MPZ: variants seen among roughly 807,000 people sequenced by gnomAD.
MPZ encodes the protein myelin protein P0.
In MPZ, 13 loss-of-function variants were observed where a neutral mutation model predicts 27.9. The ratio of observed to expected loss-of-function variants is 0.47; its 90% CI spans 0.30 to 0.74. The LOEUF (loss-of-function observed/expected upper bound fraction) is 0.74, where lower values mean the gene tolerates loss of function less well. Ranked by LOEUF, MPZ falls within the 30% of genes least tolerant of loss-of-function variation. MPZ has a pLI of 0.06. For missense variants in MPZ, 256 were observed against 317.5 expected, an observed-to-expected ratio of 0.81 and a Z score of 1.47; for synonymous variants, 118 against 128.9, an observed-to-expected ratio of 0.92 and a Z score of 0.57.
chr1:161,307,594 A>G, intron 1 of MPZ, 170 bp from the exon 2 acceptor site: 1 of 649,536 alleles, frequency 1.5e-6, no homozygotes, highest in African/African-American at 1.8e-5. Context: ...ACAGATGAGC[A>G]TAAATGCTGT....
rs1473659135 is a variant in MPZ at position 161,309,614 on chromosome 1, C to T, written c.67+225G>A. ...TTATGTTGTCCAGGCTGGTCTCCAA[C>T]TCCTGGGGCTCAAATAATTATCCCA... is the stretch of plus-strand genomic sequence containing the variant. On this transcript the variant is annotated intron_variant, in intron 1 of 5. Coordinates refer to ENST00000533357, the MANE Select transcript of MPZ (RefSeq NM_000530.8). Among the ~76,000 whole-genome samples, 3 of 143,590 alleles carry T rather than the reference C, an allele frequency of 2.1e-5. No individual in the cohort carries two copies. The East Asian group carries it at 6.0e-4, about 29-fold the overall frequency. The allele number at this position is 143,590 out of a possible 152,430, so 94.2% of individuals were successfully genotyped here.
intron 1 of MPZ, among the ~76,000 whole-genome samples, chr1:161,308,943 G>A (rs1437378646): frequency 2.0e-5 from 3 of 152,098 alleles, no homozygotes; most frequent in African/African-American, 7.2e-5. Flanking sequence ...GGGCATTCTG[G>A]CCAGCCCCCT....
At position 161,307,386 on chromosome 1, in the gene MPZ, T is replaced by C. The variant is rs864622732; in HGVS notation, c.106A>G (p.Arg36Gly). The change falls in exon 2 of 6, where the codon AGG (arginine) becomes GGG (glycine). Residue 36 changes from arginine (R) to glycine (G), a missense_variant. By Grantham distance (125) the Arg-to-Gly change is moderately radical. Coordinates refer to ENST00000533357, the MANE Select transcript of MPZ (RefSeq NM_000530.8). ...PAQAIVVYTDREVHGAVGSRV... is the reference protein window; with the variant it reads ...PAQAIVVYTDGEVHGAVGSRV... ...GAGCCCACAGCACCATGGACCTCCC[T>C]GTCGGTGTAAACCACGATGGCCTGG... 2.5e-6 allele frequency: 4 copies of C among 1,614,268 alleles called. No individual in the cohort carries two copies. Among genetic ancestry groups the C allele is most frequent in the Non-Finnish European group, 3.4e-6 (4 of 1,180,052 alleles).
rs762143293 is a variant in MPZ at position 161,306,463 on chromosome 1, C to T, written c.450G>A (p.Val150=). ...CCAGAACGACCCCGTACCTAGTTGGCACTAGGAGGGGTGGGAAAAGAAGTG... is the reference window on the plus strand; with the variant it reads ...CCAGAACGACCCCGTACCTAGTTGGTACTAGGAGGGGTGGGAAAAGAAGTG... The part of the protein sequence containing the change: ...SQVTLYVFEK[V]PTRYGVVLGA... The change falls in exon 4 of 6, where the codon GTG becomes GTA. Residue 150 remains valine, a splice_region_variant and synonymous_variant. Coordinates refer to ENST00000533357, the MANE Select transcript of MPZ (RefSeq NM_000530.8). 6.8e-6 allele frequency: 11 copies of T among 1,614,080 alleles called. No individual in the cohort carries two copies. In the South Asian group the frequency reaches 1.2e-4, roughly 18 times the overall value.
rs1487233699 is a variant in MPZ at position 161,306,425 on chromosome 1, C to G, written c.488G>C (p.Gly163Ala). The change falls in exon 4 of 6, where the codon GGG (glycine) becomes GCG (alanine). Residue 163 changes from glycine (G) to alanine (A), a missense_variant. This residue lies in a region of MPZ where 155 missense variants were observed against 223.9 expected (regional missense o/e 0.69). Transcript: ENST00000533357. Reference sequence around the variant, plus strand: ...CAACAGCACCACCCCGAGGACACCCCCGATCACAGCTCCCAGAACGACCCC... The same window carrying G: ...CAACAGCACCACCCCGAGGACACCCGCGATCACAGCTCCCAGAACGACCCC... ...RYGVVLGAVI[G>A]GVLGVVLLLL... The G allele has an allele frequency of 1.9e-6, 3 of 1,614,110 alleles. No homozygotes were observed. Among genetic ancestry groups the G allele is most frequent in the African/African-American group, 2.7e-5 (2 of 74,940 alleles).
At chr1:161,306,067 G>A in intron 5 of MPZ, 41 bp downstream of exon 5, 1 of 1,613,208 alleles carries the variant, frequency 6.2e-7, no homozygotes, top group Non-Finnish European at 8.5e-7. Context: ...GGCTCCCAGG[G>A]TTCTCCTTCC....
At chr1:161,307,171 T>G (rs1343205404) in intron 2 of MPZ, 87 bp downstream of exon 2, 1 of 1,543,840 alleles carries the variant, frequency 6.5e-7, no homozygotes, top group African/African-American at 1.4e-5. Flanking sequence ...CAAAAAGGAT[T>G]TCCCCCTCCT....
chr1:161,309,552 A>ATATATTTTTTTTTTTTTTTTTT, intron 1 of MPZ, among the ~76,000 whole-genome samples: 8 of 80,630 alleles, frequency 9.9e-5, no homozygotes, highest in Admixed American at 1.3e-4. Context: ...ATATATATAT[A>ATATATTTTTTTTTTTTTTTTTT]TTTTTTTTTT....
intron 4 of MPZ, 50 bp downstream of exon 4, chr1:161,306,279 G>C (rs1166981177): frequency 6.2e-7 from 1 of 1,613,318 alleles, no homozygotes; most frequent in Non-Finnish European, 8.5e-7. Flanking sequence ...TCTCCGCCCA[G>C]ATGGGGGATA....
At chr1:161,309,552 A>ATATTTTTTTTTTTTTTTTTTTTTTT in intron 1 of MPZ, among the ~76,000 whole-genome samples, 6 of 80,666 alleles carry the variant, frequency 7.4e-5, no homozygotes, top group Non-Finnish European at 1.4e-4. Flanking sequence ...ATATATATAT[A>ATATTTTTTTTTTTTTTTTTTTTTTT]TTTTTTTTTT....
chr1:161,306,589 C>G lies in MPZ; in HGVS notation c.448+119G>C. 3.2e-6 allele frequency: 5 copies of G among 1,543,836 alleles called. 1 individual carries two copies. In the South Asian group the frequency reaches 5.6e-5, roughly 17 times the overall value. On this transcript the variant is annotated intron_variant, in intron 3 of 5. Transcript: ENST00000533357. ...GCTAAAACTGCCTTCTGCCCACGCT[C>G]CCAGAGCCTGAATAAAGGTCCTTAG...
chr1:161,306,653 C>A, intron 3 of MPZ, 55 bp downstream of exon 3: 1 of 1,587,682 alleles, frequency 6.3e-7, no homozygotes, highest in African/African-American at 1.3e-5. Flanking sequence ...TATCAGTCCT[C>A]CCTGATCCCC....
chr1:161,307,383 C>T lies in MPZ; in HGVS notation c.109G>A (p.Glu37Lys), dbSNP rs1670288858. 1 of 1,614,282 alleles carries T rather than the reference C, an allele frequency of 6.2e-7. No homozygotes were observed. Among genetic ancestry groups the T allele is most frequent in the Non-Finnish European group, 8.5e-7 (1 of 1,180,060 alleles). The change falls in exon 2 of 6, where the codon GAG becomes AAG. Residue 37 changes from glutamate to lysine, a missense_variant. Transcript: ENST00000533357. The stretch of plus-strand genomic sequence containing the variant: ...CGGGAGCCCACAGCACCATGGACCT[C>T]CCTGTCGGTGTAAACCACGATGGCC... ...AQAIVVYTDR[E>K]VHGAVGSRVT... is the part of the protein sequence containing the mutation.
rs34621933 is a variant in MPZ, at chr1:161,307,014, CAAAAAAAAAAAAAA to C, written c.235-107_235-94del. On this transcript the variant is annotated intron_variant, in intron 2 of 5. Coordinates refer to ENST00000533357, the MANE Select transcript of MPZ (RefSeq NM_000530.8). ...ATAATTTGTTACAGAAAGAAAAAAG[CAAAAAAAAAAAAAA>C]AAAAAAAAAAGCTTCGCTCCAGCCT... 4.7e-5 allele frequency: 11 copies of C among 232,436 alleles called. No homozygotes were observed. The Admixed American group carries it at 5.8e-4, about 12-fold the overall frequency. The allele number at this position is 232,436 out of a possible 1,614,324, so 14.4% of individuals were successfully genotyped here.
At position 161,305,062 on chromosome 1, in the gene MPZ, G is replaced by A. The variant is rs1247484417; in HGVS notation, c.*814C>T. Reference sequence around the variant, plus strand: ...ATGCTATACTGAAGTGTGAGGATCAGGGGCCCCTCTACTTGGGCTGGCTCT... The same window carrying A: ...ATGCTATACTGAAGTGTGAGGATCAAGGGCCCCTCTACTTGGGCTGGCTCT... On this transcript the variant is annotated 3_prime_UTR_variant, in exon 6 of 6. Transcript: ENST00000533357. The A allele has an allele frequency of 2.0e-5, 3 of 152,816 alleles. No homozygotes were observed. In the East Asian group the frequency reaches 5.6e-4, roughly 29 times the overall value. 9.5% of individuals were successfully genotyped at this position (152,816 alleles called of 1,614,324 possible).
chr1:161,307,431 G>A lies in MPZ; in HGVS notation c.68-7C>T, dbSNP rs761482735. 3 of 1,614,022 alleles carry A rather than the reference G, an allele frequency of 1.9e-6. No homozygotes were observed. Among genetic ancestry groups the A allele is most frequent in the Non-Finnish European group, 2.5e-6 (3 of 1,180,044 alleles). On this transcript the variant is annotated splice_region_variant and splice_polypyrimidine_tract_variant and intron_variant, in intron 1 of 5. Coordinates refer to ENST00000533357, the MANE Select transcript of MPZ (RefSeq NM_000530.8). The stretch of plus-strand genomic sequence containing the variant: ...GCCTGGGCCGGGGACAGCACTGCAA[G>A]CACAAAGTGGGGAATCAGATGCACC...
chr1:161,306,625 T>C, intron 3 of MPZ, 83 bp downstream of exon 3: 1 of 1,568,842 alleles, frequency 6.4e-7, no homozygotes, highest in South Asian at 1.1e-5. Context: ...GCCGGGCTTT[T>C]TGCCTCTTCC....
intron 2 of MPZ, 106 bp downstream of exon 2, chr1:161,307,152 G>T: frequency 2.1e-6 from 3 of 1,457,356 alleles, no homozygotes; most frequent in Non-Finnish European, 1.9e-6. Context: ...CAAAGTTGGG[G>T]TTATGGCTCA....
In MPZ at chr1:161,306,320, G is replaced by A. The variant is rs768352296; in HGVS notation, c.584+9C>T. On this transcript the variant is annotated intron_variant, in intron 4 of 5. Transcript: ENST00000533357. The stretch of plus-strand genomic sequence containing the variant: ...GAGAGGGGGAGGGGAGCTAGGCTCC[G>A]CCCCTTACCTGAGCCTCCTCTGCAG... The A allele has an allele frequency of 1.2e-6, 2 of 1,614,012 alleles. No homozygotes were observed. The highest frequency in any genetic ancestry group is 1.3e-5 in the African/African-American group (1 of 74,926).
Sources: allele counts gnomAD v4.1 joint callset (sites outside exome capture counted in the v4.1 genomes callset), GRCh38; gene constraint gnomAD v4.1.1; regional missense constraint gnomAD v4.1.1; transcripts MANE v1.5; gene names NCBI Gene and HGNC (gene_info 2026-07-23, HGNC 2026-07-21).